Variants in ELOVL5 observed in about 807,000 individuals in gnomAD.
ELOVL5 encodes very long chain fatty acid elongase 5.
Under a neutral mutation model 38.6 loss-of-function variants are expected in ELOVL5, and 8 were observed. That is an observed-to-expected ratio of 0.21 (90% CI 0.12 to 0.37). ELOVL5 has a LOEUF of 0.37. Among genes scored for constraint, ELOVL5 ranks in the 10% least tolerant of loss-of-function variants. ELOVL5 has a pLI of 1.00. For synonymous variants in ELOVL5, 127 were observed against 133.7 expected (o/e 0.95, Z 0.34); for missense variants, 280 against 367.8 (o/e 0.76, Z 1.95).
chr6:53,299,694 G>A (rs1767168606), intron 1 of ELOVL5, among the ~76,000 whole-genome samples: 1 of 152,210 alleles, frequency 6.6e-6, no homozygotes, highest in Non-Finnish European at 1.5e-5. Context: ...CAAATAATCT[G>A]AGTCTAAACC....
chr6:53,311,708 T>C (rs987511411), intron 1 of ELOVL5, among the ~76,000 whole-genome samples: 3 of 152,140 alleles, frequency 2.0e-5, no homozygotes, highest in Non-Finnish European at 4.4e-5. Context: ...GAAAACATTA[T>C]GCAAAGTGGA....
intron 3 of ELOVL5, among the ~76,000 whole-genome samples, chr6:53,284,812 T>C (rs990951344): frequency 6.6e-6 from 1 of 152,178 alleles, no homozygotes; most frequent in Non-Finnish European, 1.5e-5. Flanking sequence ...ACTATTATTA[T>C]ATCTGTTGTG....
At chr6:53,344,513 C>T (rs528089896) in intron 1 of ELOVL5, among the ~76,000 whole-genome samples, 1 of 152,262 alleles carries the variant, frequency 6.6e-6, no homozygotes, top group African/African-American at 2.4e-5. Context: ...CTACCAAACA[C>T]CTTAGGAGAC....
At position 53,275,235 on chromosome 6, in the gene ELOVL5, G is replaced by A. The variant is rs371771658; in HGVS notation, c.351C>T (p.Tyr117=). The change falls in exon 5 of 8, where the codon TAC becomes TAT. Residue 117 remains tyrosine, a synonymous_variant. Transcript: ENST00000304434. Reference sequence around the variant, plus strand: ...CCATAAATTCTATGAGTTTGGAGAAGTAGTACCACCAGAGGACACGGATAA... The same window carrying A: ...CCATAAATTCTATGAGTTTGGAGAAATAGTACCACCAGAGGACACGGATAA... The part of the protein sequence containing the change: ...MKIIRVLWWY[Y]FSKLIEFMDT... The A allele has an allele frequency of 1.1e-4, 179 of 1,614,058 alleles. No homozygotes were observed. The highest frequency in any genetic ancestry group is 1.4e-4 in the Non-Finnish European group (165 of 1,180,024).
In ELOVL5 at chr6:53,276,238, C is replaced by T; in HGVS notation, c.265G>A (p.Glu89Lys). 1 of 1,612,278 alleles carries T rather than the reference C, an allele frequency of 6.2e-7. No homozygotes were observed. The highest frequency in any genetic ancestry group is 8.5e-7 in the Non-Finnish European group (1 of 1,178,340). ...TGACAGAAGAAGTTGTATTTGCCTT[C>T]CCATACTCCTGTTACTAACTAAAAA... The part of the protein sequence containing the change: ...MFCELVTGVW[E>K]GKYNFFCQGT... Residue 89 changes from glutamate (E) to lysine (K), a missense_variant, in exon 4 of 8, where the codon GAA becomes AAA. Physicochemically the swap from Glu to Lys is moderately conservative, Grantham distance 56 (BLOSUM62 1). Around this residue, in one of 3 missense-constraint regions of ELOVL5, gnomAD observed 150 missense variants for 178.0 expected, o/e 0.84. Transcript: ENST00000304434.
Position 53,348,889 on chromosome 6 carries a change from G to GC in ELOVL5, c.-82dup, listed in dbSNP as rs1561900342. On this transcript the variant is annotated 5_prime_UTR_variant, in exon 1 of 8. Coordinates refer to ENST00000304434, the MANE Select transcript of ELOVL5 (RefSeq NM_021814.5). Reference sequence around the variant, plus strand: ...GGCGGCGGAGGGAGCGCGGGTGGCAGCCGGCGCAGAGGCGGATGTAGAAGG... The same window carrying GC: ...GGCGGCGGAGGGAGCGCGGGTGGCAGCCCGGCGCAGAGGCGGATGTAGAAGG... 2 of 454,518 alleles carry GC rather than the reference G, an allele frequency of 4.4e-6. No homozygotes were observed. Among genetic ancestry groups the GC allele is most frequent in the East Asian group, 1.5e-4 (2 of 13,634 alleles). 28.2% of individuals were successfully genotyped at this position (454,518 alleles called of 1,614,324 possible).
chr6:53,273,178 C>T (rs987030084), intron 6 of ELOVL5, 42 bp downstream of exon 6: 2 of 1,610,104 alleles, frequency 1.2e-6, no homozygotes, highest in East Asian at 4.5e-5. Context: ...GGTCTGTATC[C>T]ACCAGGAAGT....
intron 2 of ELOVL5, among the ~76,000 whole-genome samples, chr6:53,293,199 T>G (rs1240510894): frequency 1.3e-5 from 2 of 152,150 alleles, no homozygotes; most frequent in African/African-American, 2.4e-5. Flanking sequence ...CAATCTTAAC[T>G]ACCCGCCAAG....
At chr6:53,295,751 G>GT (rs752887455) in intron 1 of ELOVL5, 44 bp from the exon 2 acceptor site, 2 of 1,216,302 alleles carry the variant, frequency 1.6e-6, no homozygotes, top group Non-Finnish European at 1.1e-6. Flanking sequence ...TACTCAAAAT[G>GT]TTTTTTATAC....
At position 53,276,177 on chromosome 6, in the gene ELOVL5, A is replaced by G; in HGVS notation, c.324+2T>C. ...ATAAAGTTTCTGAAAAAGAGACAGT[A>G]CCTTCATATCTGATTCTCCTGCGGT... is the stretch of plus-strand genomic sequence containing the variant. On this transcript the variant is annotated splice_donor_variant, in intron 4 of 7. Transcript: ENST00000304434. LOFTEE classifies it high-confidence loss of function. 1 of 1,602,254 alleles carries G rather than the reference A, an allele frequency of 6.2e-7. No individual in the cohort carries two copies. Among genetic ancestry groups the G allele is most frequent in the Non-Finnish European group, 8.5e-7 (1 of 1,170,236 alleles).
intron 3 of ELOVL5, among the ~76,000 whole-genome samples, chr6:53,283,311 C>T (rs1766432769): frequency 6.6e-6 from 1 of 151,924 alleles, no homozygotes; most frequent in South Asian, 2.1e-4. Context: ...GTGGAAAAGG[C>T]ATGTTTACCT....
rs565730831 is a variant in ELOVL5, at chr6:53,309,015, A to G, written c.-8-13308T>C. 3.3e-5 allele frequency among the ~76,000 whole-genome samples: 5 copies of G among 152,294 alleles called. No homozygotes were observed. The East Asian group carries it at 7.7e-4, about 23-fold the overall frequency. Reference sequence around the variant, plus strand: ...GTGTGACATGGTACACATCACACATAACAAGCATACATTAATCCATCCTGC... The same window carrying G: ...GTGTGACATGGTACACATCACACATGACAAGCATACATTAATCCATCCTGC... On this transcript the variant is annotated intron_variant, in intron 1 of 7. Coordinates refer to ENST00000304434, the MANE Select transcript of ELOVL5 (RefSeq NM_021814.5).
chr6:53,286,414 T>A (rs1766573150), intron 3 of ELOVL5, among the ~76,000 whole-genome samples: 1 of 151,892 alleles, frequency 6.6e-6, no homozygotes, highest in Non-Finnish European at 1.5e-5. Context: ...AATAAAAAAA[T>A]TAGCCAGGCA....
chr6:53,313,608 C>T (rs1196236673), intron 1 of ELOVL5, among the ~76,000 whole-genome samples: 1 of 152,130 alleles, frequency 6.6e-6, no homozygotes, highest in Admixed American at 6.5e-5. Context: ...GCAATCCTCT[C>T]GCCTCAGCCT....
Position 53,268,973 on chromosome 6 carries a change from T to G in ELOVL5, c.*154A>C. On this transcript the variant is annotated 3_prime_UTR_variant, in exon 8 of 8. Transcript: ENST00000304434. ...CCCTACTTATATAATCTGTATACGT[T>G]TTCTAGGGGTTTTGAATTGATGAAA... 1.2e-6 allele frequency: 1 copy of G among 835,108 alleles called. No homozygotes were observed. The highest frequency in any genetic ancestry group is 2.5e-5 in the East Asian group (1 of 39,368). 51.7% of individuals were successfully genotyped at this position (835,108 alleles called of 1,614,324 possible).
intron 1 of ELOVL5, among the ~76,000 whole-genome samples, chr6:53,299,626 A>T (rs1480503817): frequency 6.6e-6 from 1 of 152,196 alleles, no homozygotes; most frequent in Admixed American, 6.5e-5. Flanking sequence ...CTACCAAAAG[A>T]GACTGTGGAA....
At chr6:53,299,866 C>T (rs988459876) in intron 1 of ELOVL5, among the ~76,000 whole-genome samples, 3 of 152,096 alleles carry the variant, frequency 2.0e-5, no homozygotes, top group African/African-American at 7.2e-5. Context: ...GAATTTTTCT[C>T]CTAGGTTTGC....
chr6:53,284,991 T>C (rs1766508095), intron 3 of ELOVL5, among the ~76,000 whole-genome samples: 1 of 152,198 alleles, frequency 6.6e-6, no homozygotes, highest in Non-Finnish European at 1.5e-5. Context: ...GGCCTCCTTA[T>C]TTCCTGAGAT....
At chr6:53,315,743 AGG>A (rs930212751) in intron 1 of ELOVL5, among the ~76,000 whole-genome samples, 1 of 152,242 alleles carries the variant, frequency 6.6e-6, no homozygotes, top group African/African-American at 2.4e-5. Context: ...TGACATTTAC[AGG>A]GTCGCCCAAA....
Sources: gnomAD v4.1 joint callset for allele counts (sites outside exome capture counted in the v4.1 genomes callset) on GRCh38, gnomAD v4.1.1 for gene constraint, gnomAD v4.1.1 regional missense constraint, MANE v1.5 for transcripts, NCBI Gene and HGNC (gene_info 2026-07-23, HGNC 2026-07-21) for gene names.